The following NMT2 variants were observed in gnomAD, a reference collection of about 807,000 sequenced individuals.
The protein encoded by NMT2 is N-myristoyltransferase 2.
Under a neutral mutation model 65.4 loss-of-function variants are expected in NMT2, and 35 were observed. The observed-to-expected ratio is 0.54, with a 90% confidence interval of 0.41 to 0.71. The LOEUF is 0.71. NMT2 is among the 30% of genes least tolerant of loss of function. The pLI is 0.00. For synonymous variants in NMT2, 226 were observed against 231.8 expected, an observed-to-expected ratio of 0.98 and a Z score of 0.23; for missense variants, 489 against 611.3, an observed-to-expected ratio of 0.80 and a Z score of 2.11.
intron 8 of NMT2, among the ~76,000 whole-genome samples, chr10:15,124,893 C>A (rs979391786): frequency 1.3e-5 from 2 of 152,182 alleles, no homozygotes; most frequent in Admixed American, 6.6e-5. Flanking sequence ...GAGACTGGGG[C>A]AAGCCAATGA....
At chr10:15,120,439 C>A (rs1845890796) in intron 8 of NMT2, among the ~76,000 whole-genome samples, 1 of 152,136 alleles carries the variant, frequency 6.6e-6, no homozygotes, top group Non-Finnish European at 1.5e-5. Flanking sequence ...GCCTGGGAGA[C>A]AGGGAGGGAC....
At chr10:15,153,888 C>T (rs796320264) in intron 1 of NMT2, among the ~76,000 whole-genome samples, 15 of 152,116 alleles carry the variant, frequency 9.9e-5, no homozygotes, top group African/African-American at 3.4e-4. Context: ...CTCCTGATCT[C>T]GTGATCCACC....
At position 15,106,248 on chromosome 10, in the gene NMT2, G is replaced by T; in HGVS notation, c.*2947C>A. ...GACCTCAAGTGATCTGCTCACCTTG[G>T]CCTCCCAAAGTGCAGGGATTACAGG... On this transcript the variant is annotated 3_prime_UTR_variant, in exon 12 of 12. Transcript: ENST00000378165. The T allele has an allele frequency of 5.7e-6, 1 of 174,386 alleles. No homozygotes were observed. Among genetic ancestry groups the T allele is most frequent in the Non-Finnish European group, 1.3e-5 (1 of 79,502 alleles). 10.8% of individuals were successfully genotyped at this position (174,386 alleles called of 1,614,324 possible). A position where few individuals can be genotyped will look rare whatever the true frequency, so the allele number is the denominator to read the frequency against.
chr10:15,133,078 C>G lies in NMT2; in HGVS notation c.577G>C (p.Asp193His), dbSNP rs1285559254. ...CACAACAGGAACTCGGGTGAATAGT[C>G]AAATCGGAACATATTGTCATCATCT... ...VEDDDNMFRF[D>H]YSPEFLLWAL... The change falls in exon 5 of 12, where the codon GAC becomes CAC. Residue 193 changes from aspartate (D) to histidine (H), a missense_variant. Transcript: ENST00000378165. The G allele has an allele frequency of 3.1e-6, 5 of 1,614,070 alleles. No homozygotes were observed. Among genetic ancestry groups the G allele is most frequent in the Non-Finnish European group, 1.7e-6 (2 of 1,179,948 alleles).
At chr10:15,110,201 A>C (rs2131458982) in intron 10 of NMT2, among the ~76,000 whole-genome samples, 1 of 151,696 alleles carries the variant, frequency 6.6e-6, no homozygotes. Flanking sequence ...TGAGCCTGGG[A>C]GGTAGAGGTG....
At position 15,141,495 on chromosome 10, in the gene NMT2, T is replaced by C; in HGVS notation, c.173A>G (p.Lys58Arg). 1 of 1,614,244 alleles carries C rather than the reference T, an allele frequency of 6.2e-7. No individual in the cohort carries two copies. Among genetic ancestry groups the C allele is most frequent in the Non-Finnish European group, 8.5e-7 (1 of 1,180,040 alleles). ...KKKKQKRKKE[K>R]PNSGGTKSDS... ...TGACTTGGTGCCTCCGGAATTTGGTTTCTCCTTTTTTCTCTTCTGTTTCTT... is the reference window on the plus strand; with the variant it reads ...TGACTTGGTGCCTCCGGAATTTGGTCTCTCCTTTTTTCTCTTCTGTTTCTT... The change falls in exon 2 of 12, where the codon AAA becomes AGA. Residue 58 changes from lysine (K) to arginine (R), a missense_variant. Coordinates refer to ENST00000378165, the MANE Select transcript of NMT2 (RefSeq NM_004808.3).
At chr10:15,168,308 T>G in intron 1 of NMT2, 195 bp downstream of exon 1, 5 of 182,476 alleles carry the variant, frequency 2.7e-5, no homozygotes, top group Non-Finnish European at 3.2e-5. Context: ...ACCCCGGGCC[T>G]CGCCTCCCCG....
intron 8 of NMT2, among the ~76,000 whole-genome samples, chr10:15,123,427 G>A (rs1447427103): frequency 4.0e-5 from 6 of 151,514 alleles, no homozygotes; most frequent in African/African-American, 1.5e-4. Context: ...TACTCAGGAG[G>A]CTGAGGCAGG....
At position 15,121,738 on chromosome 10, in the gene NMT2, G is replaced by A. The variant is rs369545452; in HGVS notation, c.1000-2225C>T. 4.6e-5 allele frequency among the ~76,000 whole-genome samples: 7 copies of A among 152,312 alleles called. No individual in the cohort carries two copies. In the South Asian group the frequency reaches 8.3e-4, roughly 18 times the overall value. On this transcript the variant is annotated intron_variant, in intron 8 of 11. Coordinates refer to ENST00000378165, the MANE Select transcript of NMT2 (RefSeq NM_004808.3). Reference sequence around the variant, plus strand: ...GCTGTGCTGGGGTTTCTAAGCTTCAGTGACACACAGTGCTGATTGATTATC... The same window carrying A: ...GCTGTGCTGGGGTTTCTAAGCTTCAATGACACACAGTGCTGATTGATTATC...
intron 9 of NMT2, 89 bp from the exon 10 acceptor site, chr10:15,113,052 G>A (rs1845618788): frequency 5.1e-6 from 7 of 1,362,352 alleles, no homozygotes; most frequent in South Asian, 1.2e-5. Context: ...CCTTGCCCCA[G>A]AGAACGAAAA....
chr10:15,138,769 A>T (rs1423152502), intron 2 of NMT2, among the ~76,000 whole-genome samples: 1 of 152,204 alleles, frequency 6.6e-6, no homozygotes, highest in Non-Finnish European at 1.5e-5. Flanking sequence ...CATAAGCTTA[A>T]AGGGAAAGAG....
intron 8 of NMT2, among the ~76,000 whole-genome samples, chr10:15,125,785 G>C (rs950763068): frequency 2.0e-5 from 3 of 152,072 alleles, no homozygotes; most frequent in Non-Finnish European, 2.9e-5. Context: ...TCCTGCCTCA[G>C]CCTCCCTAGT....
chr10:15,107,486 A>T lies in NMT2; in HGVS notation c.*1709T>A, dbSNP rs1039881669. ...TTTGTTTTTTGAGACGGAGTCTTGC[A>T]CTGTCACCCAGGCTGGAGTGCAGTG... On this transcript the variant is annotated 3_prime_UTR_variant, in exon 12 of 12. Transcript: ENST00000378165. The T allele has an allele frequency of 2.0e-6, 2 of 975,986 alleles. No individual in the cohort carries two copies. Among genetic ancestry groups the T allele is most frequent in the Non-Finnish European group, 2.4e-6 (2 of 821,328 alleles). The allele number at this position is 975,986 out of a possible 1,614,324, so 60.5% of individuals were successfully genotyped here. A position where few individuals can be genotyped will look rare whatever the true frequency, so the allele number is the denominator to read the frequency against.
chr10:15,110,858 T>C (rs1288485394), intron 10 of NMT2, among the ~76,000 whole-genome samples: 1 of 152,200 alleles, frequency 6.6e-6, no homozygotes, highest in Non-Finnish European at 1.5e-5. Context: ...TGGCATGATG[T>C]CGGCTCACTG....
At position 15,106,219 on chromosome 10, in the gene NMT2, T is replaced by C; in HGVS notation, c.*2976A>G. 5.1e-6 allele frequency: 1 copy of C among 195,750 alleles called. No individual in the cohort carries two copies. Among genetic ancestry groups the C allele is most frequent in the Non-Finnish European group, 1.1e-5 (1 of 91,062 alleles). 12.1% of individuals were successfully genotyped at this position (195,750 alleles called of 1,614,324 possible). ...ATGTTGGCCAGGCTGGTCTCAAGAC[T>C]CCTGACCTCAAGTGATCTGCTCACC... is the stretch of plus-strand genomic sequence containing the variant. On this transcript the variant is annotated 3_prime_UTR_variant, in exon 12 of 12. Coordinates refer to ENST00000378165, the MANE Select transcript of NMT2 (RefSeq NM_004808.3).
rs572273574 is a variant in NMT2 at position 15,145,582 on chromosome 10, G to A, written c.111-4025C>T. On this transcript the variant is annotated intron_variant, in intron 1 of 11. Transcript: ENST00000378165. ...TTTAGTAAAGACGGGGTTTCGCTAC[G>A]TTGGCCAGGACAGTCTCAAACTCCT... Among the ~76,000 whole-genome samples, 20 of 152,210 alleles carry A rather than the reference G, an allele frequency of 1.3e-4. 1 individual carries two copies. The highest frequency in any genetic ancestry group is 3.4e-4 in the African/African-American group (14 of 41,522).
chr10:15,162,231 G>A (rs992751702), intron 1 of NMT2, among the ~76,000 whole-genome samples: 1 of 132,414 alleles, frequency 7.6e-6, no homozygotes, highest in Non-Finnish European at 1.5e-5. Flanking sequence ...CAGCCCAGAT[G>A]ACAGAGTGAG....
chr10:15,143,772 G>A (rs1252740998), intron 1 of NMT2, among the ~76,000 whole-genome samples: 1 of 152,004 alleles, frequency 6.6e-6, no homozygotes, highest in Non-Finnish European at 1.5e-5. Context: ...AAGGTGGGAG[G>A]ATCACTTGAG....
chr10:15,167,588 G>T (rs1000890335), intron 1 of NMT2, among the ~76,000 whole-genome samples: 4 of 152,154 alleles, frequency 2.6e-5, no homozygotes, highest in African/African-American at 7.2e-5. Context: ...TAGGGTAAAA[G>T]GGTAATGTAA....
Sources: allele counts gnomAD v4.1 joint callset (sites outside exome capture counted in the v4.1 genomes callset), GRCh38; gene constraint gnomAD v4.1.1; transcripts MANE v1.5; gene names NCBI Gene and HGNC (gene_info 2026-07-23, HGNC 2026-07-21).